The following LRCH1 variants were observed in gnomAD, a reference collection of about 807,000 sequenced individuals.
LRCH1 encodes the protein leucine rich repeats and calponin homology domain containing 1, also known as leucine-rich repeat and calponin homology domain-containing protein 1.
A neutral mutation model predicts 94.9 loss-of-function variants in LRCH1; 23 were observed. The observed-to-expected ratio is 0.24, with a 90% CI of 0.17 to 0.34. The LOEUF (loss-of-function observed/expected upper bound fraction) is 0.34, where lower values mean the gene tolerates loss of function less well. Among genes scored for constraint, LRCH1 ranks in the 10% least tolerant of loss-of-function variants. LRCH1 has a pLI of 1.00. For missense variants in LRCH1, 790 were observed against 945.9 expected, an observed-to-expected ratio of 0.84 and a Z score of 2.16; for synonymous variants, 364 against 354.9, an observed-to-expected ratio of 1.03 and a Z score of -0.29.
chr13:46,750,447 C>T, intron 18 of LRCH1: 1 of 865,280 alleles, frequency 1.2e-6, no homozygotes, highest in Non-Finnish European at 1.9e-6. Flanking sequence ...CTAGAGTATT[C>T]AACCTAACTT....
At chr13:46,662,125 C>T (rs113987588) in intron 2 of LRCH1, among the ~76,000 whole-genome samples, 493 of 152,114 alleles carry the variant, frequency 3.2e-3, no homozygotes, top group African/African-American at 3.8e-3. Context: ...GCAGGAGAAT[C>T]GCTTGAAAAT....
intron 2 of LRCH1, among the ~76,000 whole-genome samples, chr13:46,652,201 T>C (rs1432068771): frequency 3.3e-5 from 5 of 151,270 alleles, no homozygotes; most frequent in East Asian, 2.0e-4. Flanking sequence ...CTCAGCCTAC[T>C]GAGTAGCTGG....
intron 1 of LRCH1, among the ~76,000 whole-genome samples, chr13:46,600,149 A>G (rs923554696): frequency 1.9e-5 from 1 of 53,396 alleles, no homozygotes; most frequent in African/African-American, 6.1e-5. Context: ...GGCCTCCCAT[A>G]GTGCTGGGAT....
At chr13:46,646,006 A>G (rs969513970) in intron 1 of LRCH1, among the ~76,000 whole-genome samples, 14 of 152,208 alleles carry the variant, frequency 9.2e-5, no homozygotes, top group Admixed American at 6.5e-5. Context: ...CACACATATA[A>G]GTTTTCGGGG....
chr13:46,718,647 G>A (rs894430523), intron 16 of LRCH1, among the ~76,000 whole-genome samples: 1 of 152,208 alleles, frequency 6.6e-6, no homozygotes, highest in Non-Finnish European at 1.5e-5. Flanking sequence ...AATGTGTCCA[G>A]TTCAATTTTA....
chr13:46,731,504 T>G (rs1407031412), intron 18 of LRCH1, among the ~76,000 whole-genome samples: 1 of 152,236 alleles, frequency 6.6e-6, no homozygotes, highest in Non-Finnish European at 1.5e-5. Context: ...GTGCTAGGAT[T>G]ACAGGTGTGA....
rs151163118 is a variant in LRCH1 at position 46,668,567 on chromosome 13, G to C, written c.453-463G>C. ...CCATCCCTACTGCAATGGATGAAATGATGCCTGTGTGGTGCTGGTTGCTTT... is the reference window on the plus strand; with the variant it reads ...CCATCCCTACTGCAATGGATGAAATCATGCCTGTGTGGTGCTGGTTGCTTT... On this transcript the variant is annotated intron_variant, in intron 2 of 19. Transcript: ENST00000389797. Among the ~76,000 whole-genome samples, 123 of 152,312 alleles carry C rather than the reference G, an allele frequency of 8.1e-4. 2 individuals carry two copies. The East Asian group carries it at 0.022, about 27-fold the overall frequency.
intron 1 of LRCH1, among the ~76,000 whole-genome samples, chr13:46,632,707 AT>A (rs1212176963): frequency 6.6e-6 from 1 of 152,350 alleles, no homozygotes; most frequent in African/African-American, 2.4e-5. Flanking sequence ...TTTAAAAAAA[AT>A]ATGAGCAACA....
chr13:46,558,598 A>AAAAAAAAAAAAAAAAAAAAAAAAAAT (rs2050094662), intron 1 of LRCH1, among the ~76,000 whole-genome samples: 1 of 143,678 alleles, frequency 7.0e-6, no homozygotes, highest in Non-Finnish European at 1.5e-5. Context: ...AAAAAAAAAA[A>AAAAAAAAAAAAAAAAAAAAAAAAAAT]GCTGGGTTCC....
intron 2 of LRCH1, among the ~76,000 whole-genome samples, chr13:46,667,536 GGA>G (rs1246257540): frequency 2.7e-5 from 2 of 75,014 alleles, no homozygotes; most frequent in Non-Finnish European, 6.3e-5. Flanking sequence ...TGGGGTGGGG[GGA>G]GGGGGGGAGG....
chr13:46,693,881 C>A (rs763905658), intron 8 of LRCH1, among the ~76,000 whole-genome samples: 4 of 152,022 alleles, frequency 2.6e-5, no homozygotes, highest in Non-Finnish European at 5.9e-5. Flanking sequence ...ATATACAGAT[C>A]TTCTCATAAA....
chr13:46,625,632 GT>G lies in LRCH1; in HGVS notation c.308-24548del, dbSNP rs3040224. Reference sequence around the variant, plus strand: ...GAACTATGAGAAATAAATGTGTGGGGTTTTTTTTTTTTTTTTTTTTTGGTCT... The same window carrying G: ...GAACTATGAGAAATAAATGTGTGGGGTTTTTTTTTTTTTTTTTTTTGGTCT... On this transcript the variant is annotated intron_variant, in intron 1 of 19. Coordinates refer to ENST00000389797, the MANE Select transcript of LRCH1 (RefSeq NM_001164211.2). 5.0e-3 allele frequency among the ~76,000 whole-genome samples: 634 copies of G among 127,180 alleles called. 4 individuals carry two copies. Among genetic ancestry groups the G allele is most frequent in the African/African-American group, 0.014 (449 of 33,002 alleles). The allele number at this position is 127,180 out of a possible 152,430, so 83.4% of individuals were successfully genotyped here. A position where few individuals can be genotyped will look rare whatever the true frequency, so the allele number is the denominator to read the frequency against.
At chr13:46,613,168 G>A (rs1244955612) in intron 1 of LRCH1, among the ~76,000 whole-genome samples, 1 of 152,104 alleles carries the variant, frequency 6.6e-6, no homozygotes, top group African/African-American at 2.4e-5. Flanking sequence ...AAGGCAGGAG[G>A]ATCACGAGGT....
chr13:46,633,687 C>T (rs2051045971), intron 1 of LRCH1, among the ~76,000 whole-genome samples: 1 of 152,096 alleles, frequency 6.6e-6, no homozygotes, highest in African/African-American at 2.4e-5. Context: ...CGTGTGGTAA[C>T]TATTTGTATG....
intron 1 of LRCH1, among the ~76,000 whole-genome samples, chr13:46,619,450 T>G (rs2050855159): frequency 6.6e-6 from 1 of 152,098 alleles, no homozygotes; most frequent in African/African-American, 2.4e-5. Context: ...ATTTGTTAGT[T>G]TAAGAAGGTA....
At chr13:46,726,231 A>G (rs900401400) in intron 17 of LRCH1, among the ~76,000 whole-genome samples, 8 of 152,192 alleles carry the variant, frequency 5.3e-5, no homozygotes, top group African/African-American at 1.9e-4. Context: ...AAGTACACCT[A>G]AAATCCCTAG....
chr13:46,719,385 CAT>C (rs1452936200), intron 16 of LRCH1, among the ~76,000 whole-genome samples: 4 of 152,198 alleles, frequency 2.6e-5, no homozygotes, highest in African/African-American at 7.2e-5. Context: ...TGGAAACAGA[CAT>C]AAACATTTAC....
chr13:46,726,547 T>C (rs1240105365), intron 17 of LRCH1, among the ~76,000 whole-genome samples: 1 of 152,100 alleles, frequency 6.6e-6, no homozygotes, highest in African/African-American at 2.4e-5. Context: ...CAGGAAACAC[T>C]GTGGTCCCCC....
At chr13:46,638,200 C>T (rs987169373) in intron 1 of LRCH1, among the ~76,000 whole-genome samples, 8 of 152,034 alleles carry the variant, frequency 5.3e-5, no homozygotes, top group Non-Finnish European at 1.0e-4. Context: ...ATTTGCAAAT[C>T]GATTCATATA....
Sources: allele counts gnomAD v4.1 joint callset (sites outside exome capture counted in the v4.1 genomes callset), GRCh38; gene constraint gnomAD v4.1.1; transcripts MANE v1.5; gene names NCBI Gene and HGNC (gene_info 2026-07-23, HGNC 2026-07-21).